The following JAK1 variants were observed in gnomAD, a reference collection of about 807,000 sequenced individuals.
The protein encoded by JAK1 is tyrosine-protein kinase JAK1.
JAK1 carries 16 observed loss-of-function variants against 136.6 expected under a neutral mutation model. The observed-to-expected ratio is 0.12, with a 90% CI of 0.08 to 0.18. The LOEUF (loss-of-function observed/expected upper bound fraction) is 0.18. Among genes scored for constraint, JAK1 ranks in the 10% least tolerant of loss-of-function variants. The probability of loss-of-function intolerance (pLI) is 1.00; values close to 1 mark genes in which losing one functional copy is unlikely to be tolerated. For synonymous variants in JAK1, 492 were observed against 519.5 expected (o/e 0.95, Z 0.72); for missense variants, 859 against 1,450.1 (o/e 0.59, Z 6.62).
chr1:65,056,986 G>C (rs1265293804), intron 1 of JAK1, among the ~76,000 whole-genome samples: 2 of 149,320 alleles, frequency 1.3e-5, no homozygotes, highest in Non-Finnish European at 3.0e-5. Flanking sequence ...TCTTCTCTCT[G>C]TGGTAGGTAG....
intron 1 of JAK1, among the ~76,000 whole-genome samples, chr1:64,929,837 T>C (rs918846993): frequency 1.1e-4 from 16 of 152,056 alleles, no homozygotes; most frequent in African/African-American, 3.6e-4. Flanking sequence ...AACAGACATA[T>C]AGACAAGTGG....
At chr1:65,066,415 TAAAC>T (rs1375793159) in intron 1 of JAK1, among the ~76,000 whole-genome samples, 6 of 152,166 alleles carry the variant, frequency 3.9e-5, no homozygotes, top group African/African-American at 1.2e-4. Flanking sequence ...CTGATGGAAA[TAAAC>T]AGGTGAGCCC....
intron 1 of JAK1, among the ~76,000 whole-genome samples, chr1:64,920,667 T>A (rs528815528): frequency 6.6e-6 from 1 of 152,322 alleles, no homozygotes; most frequent in African/African-American, 2.4e-5. Flanking sequence ...GTGGACTGAA[T>A]GAGTTCTAAC....
At chr1:64,902,528 T>C (rs931667898) in intron 1 of JAK1, among the ~76,000 whole-genome samples, 1 of 141,170 alleles carries the variant, frequency 7.1e-6, no homozygotes, top group African/African-American at 2.8e-5. Context: ...ACTGGGGACA[T>C]GGTGCCTTTA....
At chr1:65,005,291 C>T (rs1192347754) in intron 2 of JAK1, among the ~76,000 whole-genome samples, 3 of 151,784 alleles carry the variant, frequency 2.0e-5, no homozygotes, top group African/African-American at 7.3e-5. Context: ...TTGCAGTAAG[C>T]CGAGATCACG....
At chr1:64,882,729 C>T (rs1367379936) in intron 3 of JAK1, among the ~76,000 whole-genome samples, 1 of 152,176 alleles carries the variant, frequency 6.6e-6, no homozygotes, top group African/African-American at 2.4e-5. Flanking sequence ...TTGAGAGCCT[C>T]GTCCTTTTCA....
At chr1:65,048,547 T>A (rs953346147) in intron 1 of JAK1, among the ~76,000 whole-genome samples, 4 of 152,182 alleles carry the variant, frequency 2.6e-5, no homozygotes, top group African/African-American at 9.6e-5. Context: ...AAATGCTCAA[T>A]CCATTTCTCA....
chr1:65,062,326 A>C (rs926368988), intron 1 of JAK1, among the ~76,000 whole-genome samples: 2 of 152,158 alleles, frequency 1.3e-5, no homozygotes, highest in Non-Finnish European at 2.9e-5. Flanking sequence ...GTTTGCTCAC[A>C]AGTCAGTTTT....
chr1:64,859,831 A>G (rs773760156), intron 9 of JAK1: 9 of 245,674 alleles, frequency 3.7e-5, no homozygotes, highest in African/African-American at 6.6e-5. Flanking sequence ...CAGAAAGTGT[A>G]GTACTTCTTG....
intron 1 of JAK1, among the ~76,000 whole-genome samples, chr1:64,944,074 T>G (rs1372247227): frequency 2.6e-5 from 4 of 151,790 alleles, no homozygotes; most frequent in Non-Finnish European, 5.9e-5. Flanking sequence ...TACAAAAAAT[T>G]AGCCGGGTGT....
intron 1 of JAK1, among the ~76,000 whole-genome samples, chr1:64,946,758 CAAACCCATGTTCATAGAAAT>C (rs1387746714): frequency 6.8e-5 from 6 of 87,936 alleles, no homozygotes; most frequent in Admixed American, 2.0e-4. Flanking sequence ...GAGATATTTG[CAAACCCATGTTCATAGAAAT>C]ATCATTCACA....
chr1:64,920,993 C>G (rs922707456), intron 1 of JAK1, among the ~76,000 whole-genome samples: 3 of 152,140 alleles, frequency 2.0e-5, no homozygotes, highest in Non-Finnish European at 4.4e-5. Context: ...AAATGCTATG[C>G]TTTAAGACAG....
rs767215058 is a variant in JAK1, at chr1:64,883,408, G to C, written c.74C>G (p.Thr25Ser). Reference protein sequence around the residue: ...FCAKMRSSKKTEVNLEAPEPG... With the variant: ...FCAKMRSSKKSEVNLEAPEPG... The stretch of plus-strand genomic sequence containing the variant: ...CTCAGGGGCCTCCAGGTTCACCTCA[G>C]TCTTCTTGGAGCTCCTCATTTTAGC... The change falls in exon 3 of 25, where the codon ACT becomes AGT. Residue 25 changes from threonine to serine, a missense_variant. Transcript: ENST00000342505. 1.8e-5 allele frequency: 29 copies of C among 1,614,014 alleles called. No individual in the cohort carries two copies. The highest frequency in any genetic ancestry group is 2.5e-5 in the Non-Finnish European group (29 of 1,179,976).
chr1:64,864,995 C>T lies in JAK1; in HGVS notation c.991-23G>A, dbSNP rs779035985. 7 of 1,589,424 alleles carry T rather than the reference C, an allele frequency of 4.4e-6. No individual in the cohort carries two copies. In the South Asian group the frequency reaches 6.7e-5, roughly 15 times the overall value. The stretch of plus-strand genomic sequence containing the variant: ...AACCTGATAAGATACATAAAAGGGA[C>T]AGGGTTAAGTTGCTTTCTTCATTTT... On this transcript the variant is annotated intron_variant, in intron 7 of 24. Coordinates refer to ENST00000342505, the MANE Select transcript of JAK1 (RefSeq NM_002227.4).
rs755371470 is a variant in JAK1, at chr1:64,833,529, A to ACTGT, written c.*1029_*1032dup. 15 of 232,896 alleles carry ACTGT rather than the reference A, an allele frequency of 6.4e-5. No individual in the cohort carries two copies. The highest frequency in any genetic ancestry group is 3.6e-4 in the South Asian group (2 of 5,528). 14.4% of individuals were successfully genotyped at this position (232,896 alleles called of 1,614,324 possible). On this transcript the variant is annotated 3_prime_UTR_variant, in exon 25 of 25. Coordinates refer to ENST00000342505, the MANE Select transcript of JAK1 (RefSeq NM_002227.4). ...CCAGCTACCTCCAAGCAAACTGAAA[A>ACTGT]CTGTCTAGTGGATCCTGAAGTCCAT...
chr1:64,850,177 G>C (rs1485152308), intron 12 of JAK1, among the ~76,000 whole-genome samples: 3 of 152,140 alleles, frequency 2.0e-5, no homozygotes, highest in Admixed American at 1.3e-4. Context: ...AACAGGGCTG[G>C]GGAGCGGTGG....
At chr1:64,865,437 C>T (rs555167337) in intron 7 of JAK1, among the ~76,000 whole-genome samples, 1 of 151,794 alleles carries the variant, frequency 6.6e-6, no homozygotes, top group Non-Finnish European at 1.5e-5. Flanking sequence ...AGAGAAGACA[C>T]GAATTTCATG....
At chr1:64,937,956 T>G (rs1330415179) in intron 1 of JAK1, among the ~76,000 whole-genome samples, 1 of 152,044 alleles carries the variant, frequency 6.6e-6, no homozygotes, top group East Asian at 1.9e-4. Flanking sequence ...CTCGGCTCAG[T>G]GCAACATCTG....
At chr1:65,048,631 A>G (rs1429543754) in intron 1 of JAK1, among the ~76,000 whole-genome samples, 1 of 152,240 alleles carries the variant, frequency 6.6e-6, no homozygotes, top group Non-Finnish European at 1.5e-5. Context: ...TTCATTTAAA[A>G]TAGTTCTTCG....
Sources: allele counts gnomAD v4.1 joint callset (sites outside exome capture counted in the v4.1 genomes callset), GRCh38; gene constraint gnomAD v4.1.1; transcripts MANE v1.5; gene names NCBI Gene and HGNC (gene_info 2026-07-23, HGNC 2026-07-21).